Variants in TENM4 observed in about 807,000 individuals in gnomAD.
The protein encoded by TENM4 is teneurin transmembrane protein 4.
Under a neutral mutation model 243.3 loss-of-function variants are expected in TENM4, and 82 were observed. The observed-to-expected ratio is 0.34, with a 90% confidence interval of 0.28 to 0.40. The LOEUF (loss-of-function observed/expected upper bound fraction) is 0.40, where lower values mean the gene tolerates loss of function less well. TENM4 is among the 10% of genes least tolerant of loss of function. The pLI, the probability that TENM4 is intolerant of heterozygous loss-of-function variation, is 1.00. For missense variants in TENM4, 3,138 were observed against 3,673.3 expected (o/e 0.85, Z 3.77); for synonymous variants, 1,412 against 1,456.3 (o/e 0.97, Z 0.69).
chr11:79,342,450 AGGGT>A (rs1857257471), intron 1 of TENM4, among the ~76,000 whole-genome samples: 1 of 152,116 alleles, frequency 6.6e-6, no homozygotes, highest in Non-Finnish European at 1.5e-5. Flanking sequence ...GGAGGCGAAG[AGGGT>A]GGGAGGGATG....
At chr11:79,311,634 A>C (rs1590870989) in intron 1 of TENM4, among the ~76,000 whole-genome samples, 2 of 152,282 alleles carry the variant, frequency 1.3e-5, no homozygotes, top group African/African-American at 4.8e-5. Flanking sequence ...TGGTTTACAG[A>C]CTAAAGCCCA....
chr11:79,440,657 C>T lies in TENM4; in HGVS notation c.-469G>A, dbSNP rs1239882325. 6.6e-6 allele frequency: 1 copy of T among 152,186 alleles called. No homozygotes were observed. The highest frequency in any genetic ancestry group is 2.0e-4 in the East Asian group (1 of 5,098). The allele number at this position is 152,186 out of a possible 1,614,324, so 9.4% of individuals were successfully genotyped here. On this transcript the variant is annotated 5_prime_UTR_variant, in exon 1 of 34. Transcript: ENST00000278550. The surrounding 1 kb of genome is among the most constrained non-coding windows in gnomAD (Gnocchi z 4.7). ...GCGCCCAGGAAGGAGCAGGTCCGGG[C>T]TCTGCGCTCAGCTCCAGCGAGACCA...
At chr11:78,961,893 C>G (rs530980907) in intron 6 of TENM4, among the ~76,000 whole-genome samples, 10 of 152,006 alleles carry the variant, frequency 6.6e-5, no homozygotes, top group African/African-American at 2.4e-4. Context: ...TTTGTCGGTA[C>G]ATCTGCCTGT....
chr11:79,368,677 A>G (rs1196039169), intron 1 of TENM4, among the ~76,000 whole-genome samples: 1 of 152,312 alleles, frequency 6.6e-6, no homozygotes, highest in East Asian at 1.9e-4. Flanking sequence ...GATTTTCCTC[A>G]TCTGAAGAAT....
intron 2 of TENM4, among the ~76,000 whole-genome samples, chr11:79,222,547 G>T (rs758249191): frequency 6.6e-6 from 1 of 152,134 alleles, no homozygotes; most frequent in Non-Finnish European, 1.5e-5. Flanking sequence ...GGGTCAAATG[G>T]TGTTTCTTGT....
chr11:78,976,174 G>C (rs1314103725), intron 6 of TENM4, among the ~76,000 whole-genome samples: 1 of 152,226 alleles, frequency 6.6e-6, no homozygotes, highest in Non-Finnish European at 1.5e-5. Flanking sequence ...GAAGCCATTT[G>C]CTCAAAGCTA....
intron 3 of TENM4, among the ~76,000 whole-genome samples, chr11:79,155,595 T>A (rs915418175): frequency 1.3e-5 from 2 of 151,848 alleles, no homozygotes; most frequent in African/African-American, 4.8e-5. Flanking sequence ...TTCCAAGTAG[T>A]TTAATGGTCC....
intron 4 of TENM4, among the ~76,000 whole-genome samples, chr11:79,080,002 T>C (rs946672194): frequency 7.9e-5 from 12 of 151,938 alleles, no homozygotes; most frequent in Admixed American, 5.2e-4. Flanking sequence ...GGCTGAAACC[T>C]GCCTCCTTTT....
chr11:79,001,222 G>A (rs895586183), intron 6 of TENM4, among the ~76,000 whole-genome samples: 1 of 152,206 alleles, frequency 6.6e-6, no homozygotes, highest in Non-Finnish European at 1.5e-5. Context: ...ATGGAGCCAG[G>A]AGAAATGTCT....
chr11:78,951,083 C>T (rs1466894261), intron 6 of TENM4, among the ~76,000 whole-genome samples: 4 of 152,256 alleles, frequency 2.6e-5, no homozygotes, highest in Non-Finnish European at 4.4e-5. Flanking sequence ...TCAAGGGCTG[C>T]TCCCTGAGAG....
chr11:79,142,236 A>G (rs1862300304), intron 4 of TENM4, among the ~76,000 whole-genome samples: 1 of 152,154 alleles, frequency 6.6e-6, no homozygotes, highest in Non-Finnish European at 1.5e-5. Context: ...AAAAAGCTAA[A>G]GACTCCATCA....
chr11:79,007,645 C>T (rs980262673), intron 6 of TENM4, among the ~76,000 whole-genome samples: 2 of 152,140 alleles, frequency 1.3e-5, no homozygotes, highest in Non-Finnish European at 2.9e-5. Context: ...TAGCTGGGGC[C>T]TCCTCCCCAC....
intron 14 of TENM4, among the ~76,000 whole-genome samples, 161 bp from the exon 15 acceptor site, chr11:78,805,653 C>G (rs1857374220): frequency 6.6e-6 from 1 of 152,204 alleles, no homozygotes; most frequent in Non-Finnish European, 1.5e-5. Context: ...CGGCAAATGG[C>G]AGACCTGGCT....
At chr11:78,864,421 G>C (rs1447218134) in intron 9 of TENM4, among the ~76,000 whole-genome samples, 1 of 100,326 alleles carries the variant, frequency 1.0e-5, no homozygotes, top group Admixed American at 1.5e-4. Flanking sequence ...GCGACAGAGC[G>C]AGACTCCGTC....
At chr11:79,423,093 A>T (rs763865790) in intron 1 of TENM4, among the ~76,000 whole-genome samples, 1 of 152,134 alleles carries the variant, frequency 6.6e-6, no homozygotes. Context: ...CAATCCCCCA[A>T]GGAGTCCCAT....
At chr11:79,379,341 G>A (rs527715581) in intron 1 of TENM4, among the ~76,000 whole-genome samples, 6 of 152,150 alleles carry the variant, frequency 3.9e-5, no homozygotes, top group Admixed American at 3.3e-4. Flanking sequence ...CTACTTTGAG[G>A]GTTTTTATGC....
chr11:79,303,669 C>T (rs1196928971), intron 1 of TENM4, among the ~76,000 whole-genome samples: 4 of 152,144 alleles, frequency 2.6e-5, no homozygotes, highest in Non-Finnish European at 5.9e-5. Flanking sequence ...ATGCTGGAGA[C>T]AGGATTTTGA....
chr11:78,794,218 G>C (rs1384713298), intron 15 of TENM4, among the ~76,000 whole-genome samples: 1 of 152,178 alleles, frequency 6.6e-6, no homozygotes, highest in African/African-American at 2.4e-5. Flanking sequence ...ATACTGGAGG[G>C]AGCAAGGGGA....
At chr11:79,178,568 G>A (rs1365839002) in intron 3 of TENM4, among the ~76,000 whole-genome samples, 1 of 152,212 alleles carries the variant, frequency 6.6e-6, no homozygotes, top group Non-Finnish European at 1.5e-5. Flanking sequence ...GAAGGAGCGT[G>A]ACATCAACCA....
Sources: allele counts gnomAD v4.1 joint callset (sites outside exome capture counted in the v4.1 genomes callset), GRCh38; gene constraint gnomAD v4.1.1; non-coding constraint Gnocchi (gnomAD v3.1); transcripts MANE v1.5; gene names NCBI Gene and HGNC (gene_info 2026-07-23, HGNC 2026-07-21).